DDX1: variants seen among roughly 807,000 people sequenced by gnomAD.
DDX1 encodes the protein DEAD-box helicase 1, also known as ATP-dependent RNA helicase DDX1.
DDX1 carries 28 observed loss-of-function variants against 108.7 expected under a neutral mutation model. That is an observed-to-expected ratio of 0.26 (90% CI 0.19 to 0.35). DDX1 has a LOEUF of 0.35. Among genes scored for constraint, DDX1 ranks in the 10% least tolerant of loss-of-function variants. DDX1 has a pLI of 1.00. For synonymous variants in DDX1, 295 were observed against 288.9 expected, an observed-to-expected ratio of 1.02 and a Z score of -0.21; for missense variants, 710 against 884.5, an observed-to-expected ratio of 0.80 and a Z score of 2.50.
intron 13 of DDX1, 29 bp from the exon 14 acceptor site, chr2:15,613,195 T>C: frequency 6.7e-7 from 1 of 1,488,866 alleles, no homozygotes; most frequent in Non-Finnish European, 9.1e-7. Context: ...TTTTTTTTTT[T>C]TATATTATCA....
intron 18 of DDX1, chr2:15,621,400 G>A (rs1242727437): frequency 2.0e-5 from 6 of 303,152 alleles, no homozygotes; most frequent in Non-Finnish European, 3.0e-5. Context: ...TCGGCCACCC[G>A]GGTTCAAGCA....
At position 15,618,065 on chromosome 2, in the gene DDX1, G is replaced by A. The variant is rs1665929493; in HGVS notation, c.1117-116G>A. ...AAAATATAGGACTATGTATATGCAT[G>A]AATTAGTTTCCTTATATTTTGTTTG... On this transcript the variant is annotated intron_variant, in intron 15 of 25. Coordinates refer to ENST00000233084, the MANE Select transcript of DDX1 (RefSeq NM_004939.3). The A allele has an allele frequency of 1.1e-5, 6 of 563,406 alleles. No homozygotes were observed. The Admixed American group carries it at 1.6e-4, about 15-fold the overall frequency. 34.9% of individuals were successfully genotyped at this position (563,406 alleles called of 1,614,324 possible).
chr2:15,615,761 GTGT>G (rs750985288), intron 14 of DDX1, among the ~76,000 whole-genome samples: 2 of 152,162 alleles, frequency 1.3e-5, no homozygotes, highest in Non-Finnish European at 2.9e-5. Context: ...AAGAATGGAA[GTGT>G]TGTTTTTTAA....
In DDX1 at chr2:15,628,682, C is replaced by T. The variant is rs1385040010; in HGVS notation, c.1804C>T (p.Arg602Ter). 2 of 1,613,234 alleles carry T rather than the reference C, an allele frequency of 1.2e-6. No individual in the cohort carries two copies. Among genetic ancestry groups the T allele is most frequent in the East Asian group, 2.2e-5 (1 of 44,832 alleles). Residue 602 changes from arginine (R) to a stop codon, truncating the protein, a stop_gained, in exon 22 of 26, where the codon CGA (arginine) becomes TGA (stop). Transcript: ENST00000233084. LOFTEE classifies it high-confidence loss of function. ...CGATGAAAAGCAAAACTACGTACAT[C>T]GAATTGGCAGAGTAGGAAGAGCTGA... The part of the protein sequence containing the change: ...LPDEKQNYVH[R>*]IGRVGRAERM...
In DDX1 at chr2:15,599,700, C is replaced by T; in HGVS notation, c.291C>T (p.Asp97=). 1 of 1,606,434 alleles carries T rather than the reference C, an allele frequency of 6.2e-7. No homozygotes were observed. The highest frequency in any genetic ancestry group is 8.5e-7 in the Non-Finnish European group (1 of 1,176,046). The change falls in exon 6 of 26, where the codon GAC becomes GAT. Residue 97 remains aspartate (D), a synonymous_variant. Coordinates refer to ENST00000233084, the MANE Select transcript of DDX1 (RefSeq NM_004939.3). ...ACAAATGGCAGATGAACCCATATGA[C>T]AGAGGATCTGCTTTTGGTAAGTGGA... ...VLNKWQMNPY[D]RGSAFAIGSD... is the part of the protein sequence containing the mutation.
chr2:15,627,130 C>T lies in DDX1; in HGVS notation c.1671C>T (p.Asn557=). 1 of 1,603,952 alleles carries T rather than the reference C, an allele frequency of 6.2e-7. No homozygotes were observed. The highest frequency in any genetic ancestry group is 2.2e-5 in the East Asian group (1 of 44,724). Residue 557 remains asparagine, a synonymous_variant, in exon 20 of 26, where the codon AAC becomes AAT. Coordinates refer to ENST00000233084, the MANE Select transcript of DDX1 (RefSeq NM_004939.3). ...GAAAGCCTCATGAGAGAAAGCAAAACTTGGAAAGATTTAAGGTACTGATAC... is the reference window on the plus strand; with the variant it reads ...GAAAGCCTCATGAGAGAAAGCAAAATTTGGAAAGATTTAAGGTACTGATAC... ...GDRKPHERKQ[N]LERFKKGDVR...
At chr2:15,629,530 C>T (rs1666157640) in intron 23 of DDX1, 72 bp from the exon 24 acceptor site, 1 of 1,156,650 alleles carries the variant, frequency 8.6e-7, no homozygotes, top group South Asian at 1.5e-5. Context: ...CAATTAAAAA[C>T]AAATTTAGAA....
At chr2:15,599,505 G>T (rs1665555101) in intron 5 of DDX1, among the ~76,000 whole-genome samples, 164 bp from the exon 6 acceptor site, 1 of 151,558 alleles carries the variant, frequency 6.6e-6, no homozygotes, top group African/African-American at 2.4e-5. Context: ...TAGAGATGAG[G>T]TTTCACCACG....
intron 9 of DDX1, among the ~76,000 whole-genome samples, 187 bp from the exon 10 acceptor site, chr2:15,604,250 A>G (rs1023994501): frequency 1.3e-5 from 2 of 152,228 alleles, no homozygotes; most frequent in Non-Finnish European, 2.9e-5. Flanking sequence ...AGTAGTGTGA[A>G]TGAGCCTAAA....
At chr2:15,629,285 T>C (rs1666153366) in intron 23 of DDX1, among the ~76,000 whole-genome samples, 1 of 152,210 alleles carries the variant, frequency 6.6e-6, no homozygotes, top group Non-Finnish European at 1.5e-5. Flanking sequence ...ATTTTTCTTT[T>C]GAACTTTTTT....
At position 15,595,250 on chromosome 2, in the gene DDX1, AGTT is replaced by A; in HGVS notation, c.68+58_68+60del. The A allele has an allele frequency of 3.6e-6, 5 of 1,392,428 alleles. No homozygotes were observed. The South Asian group carries it at 6.3e-5, about 18-fold the overall frequency. 86.3% of individuals were successfully genotyped at this position (1,392,428 alleles called of 1,614,324 possible). A position where few individuals can be genotyped will look rare whatever the true frequency, so the allele number is the denominator to read the frequency against. On this transcript the variant is annotated intron_variant, in intron 2 of 25. Coordinates refer to ENST00000233084, the MANE Select transcript of DDX1 (RefSeq NM_004939.3). Reference sequence around the variant, plus strand: ...GGAGAGGATGTTTTATAATTTAAACAGTTGTTAGTGATTTTATCAAATATTTTT... The same window carrying A: ...GGAGAGGATGTTTTATAATTTAAACAGTTAGTGATTTTATCAAATATTTTT...
At chr2:15,616,772 A>G (rs1478395977) in intron 14 of DDX1, among the ~76,000 whole-genome samples, 1 of 152,164 alleles carries the variant, frequency 6.6e-6, no homozygotes, top group Non-Finnish European at 1.5e-5. Flanking sequence ...CACCTGGGAC[A>G]CTCTGCGTCT....
chr2:15,617,558 G>T (rs1391931018), intron 15 of DDX1, among the ~76,000 whole-genome samples: 1 of 152,084 alleles, frequency 6.6e-6, no homozygotes, highest in African/African-American at 2.4e-5. Flanking sequence ...TTTTAAAAAT[G>T]TAATGTCATA....
intron 10 of DDX1, 73 bp from the exon 11 acceptor site, chr2:15,605,877 A>G: frequency 9.8e-7 from 1 of 1,021,796 alleles, no homozygotes. Context: ...GTAAGCTGGT[A>G]GATTTGACAT....
At chr2:15,593,002 C>T (rs1665440666) in intron 1 of DDX1, among the ~76,000 whole-genome samples, 1 of 151,874 alleles carries the variant, frequency 6.6e-6, no homozygotes, top group Admixed American at 6.6e-5. Context: ...CTCACTGCAG[C>T]CTCCACCTCC....
intron 13 of DDX1, 106 bp from the exon 14 acceptor site, chr2:15,613,118 T>G: frequency 1.3e-6 from 1 of 766,008 alleles, no homozygotes; most frequent in Non-Finnish European, 2.0e-6. Context: ...CCTCAATTAC[T>G]TTCTCAACCT....
chr2:15,607,475 G>A (rs907701860), intron 13 of DDX1, among the ~76,000 whole-genome samples, 162 bp downstream of exon 13: 11 of 151,104 alleles, frequency 7.3e-5, no homozygotes, highest in Non-Finnish European at 1.3e-4. Flanking sequence ...TACAACTCCT[G>A]TTTGTTTGCT....
rs1336837148 is a variant in DDX1 at position 15,597,381 on chromosome 2, A to T, written c.169A>T (p.Ser57Cys). ...ETGSGKTGAFSIPVIQIVYET... is the reference protein window; with the variant it reads ...ETGSGKTGAFCIPVIQIVYET... ...CCTTTTGTTTCTTTGATAGGCTTTT[A>T]GTATTCCAGTTATCCAGATAGTTTA... Residue 57 changes from serine to cysteine, a missense_variant, in exon 5 of 26, where the codon AGT becomes TGT. Ser to Cys is a moderately radical substitution (Grantham distance 112, BLOSUM62 -1). Coordinates refer to ENST00000233084, the MANE Select transcript of DDX1 (RefSeq NM_004939.3). The T allele has an allele frequency of 1.3e-6, 2 of 1,590,230 alleles. No homozygotes were observed. The highest frequency in any genetic ancestry group is 1.7e-6 in the Non-Finnish European group (2 of 1,167,718).
At chr2:15,618,546 C>T (rs1665938787) in intron 16 of DDX1, among the ~76,000 whole-genome samples, 1 of 152,232 alleles carries the variant, frequency 6.6e-6, no homozygotes, top group South Asian at 2.1e-4. Flanking sequence ...CAGCCAGGCA[C>T]ATTGGCTGCG....
Sources: allele counts gnomAD v4.1 joint callset (sites outside exome capture counted in the v4.1 genomes callset), GRCh38; gene constraint gnomAD v4.1.1; transcripts MANE v1.5; gene names NCBI Gene and HGNC (gene_info 2026-07-23, HGNC 2026-07-21).